RET: variants seen among roughly 807,000 people sequenced by gnomAD.
The protein encoded by RET is proto-oncogene tyrosine-protein kinase receptor Ret.
A neutral mutation model predicts 118.3 loss-of-function variants in RET; 19 were observed. The observed-to-expected ratio is 0.16, with a 90% CI of 0.11 to 0.24. The LOEUF (loss-of-function observed/expected upper bound fraction) is 0.24. Among genes scored for constraint, RET ranks in the 10% least tolerant of loss-of-function variants. The pLI is 1.00. For missense variants in RET, 1,219 were observed against 1,502.1 expected, an observed-to-expected ratio of 0.81 and a Z score of 3.12; for synonymous variants, 597 against 644.1, an observed-to-expected ratio of 0.93 and a Z score of 1.11.
At position 43,129,823 on chromosome 10, in the gene RET, G is replaced by T; in HGVS notation, c.*1554G>T. On this transcript the variant is annotated 3_prime_UTR_variant, in exon 20 of 20. Coordinates refer to ENST00000355710, the MANE Select transcript of RET (RefSeq NM_020975.6). ...AGGGAGAGTTTGAAAAATGCTTATTGGACACGTAACCTGGCTCTAATTTGG... is the reference window on the plus strand; with the variant it reads ...AGGGAGAGTTTGAAAAATGCTTATTTGACACGTAACCTGGCTCTAATTTGG... 6.0e-5 allele frequency: 21 copies of T among 352,188 alleles called. No individual in the cohort carries two copies. The highest frequency in any genetic ancestry group is 4.1e-4 in the East Asian group (8 of 19,702). The allele number at this position is 352,188 out of a possible 1,614,324, so 21.8% of individuals were successfully genotyped here.
At chr10:43,108,608 C>A (rs988554097) in intron 5 of RET, among the ~76,000 whole-genome samples, 2 of 152,058 alleles carry the variant, frequency 1.3e-5, no homozygotes, top group African/African-American at 4.8e-5. Context: ...TCAGTTGGTC[C>A]GGGGACTCAA....
intron 1 of RET, 74 bp downstream of exon 1, chr10:43,077,405 C>T: frequency 6.9e-7 from 1 of 1,452,156 alleles, no homozygotes; most frequent in Non-Finnish European, 9.1e-7. Flanking sequence ...CGGGCGCGTT[C>T]AGAAGCGCCT....
chr10:43,115,165 A>G (rs3026761), intron 11 of RET, among the ~76,000 whole-genome samples: 2 of 152,028 alleles, frequency 1.3e-5, no homozygotes, highest in Admixed American at 6.5e-5. Context: ...CAGTGTTCCT[A>G]CTAGCACTGT....
At chr10:43,112,554 G>C (rs1837964031) in intron 8 of RET, among the ~76,000 whole-genome samples, 1 of 152,224 alleles carries the variant, frequency 6.6e-6, no homozygotes, top group African/African-American at 2.4e-5. Context: ...CTCATTGTCT[G>C]CATCAGCCAG....
rs897445593 is a variant in RET, at chr10:43,077,349, C to T, written c.73+18C>T. 5.3e-6 allele frequency: 8 copies of T among 1,504,966 alleles called. No homozygotes were observed. Among genetic ancestry groups the T allele is most frequent in the Non-Finnish European group, 7.1e-6 (8 of 1,132,274 alleles). 93.2% of individuals were successfully genotyped at this position (1,504,966 alleles called of 1,614,324 possible). A position where few individuals can be genotyped will look rare whatever the true frequency, so the allele number is the denominator to read the frequency against. ...AGGCAAAGGTGAGTTCTGCCGGCCG[C>T]CGGCTCCCGCAGGGGCCAGGGCGAA... On this transcript the variant is annotated intron_variant, in intron 1 of 19. Coordinates refer to ENST00000355710, the MANE Select transcript of RET (RefSeq NM_020975.6).
At chr10:43,111,506 G>A (rs1837928495) in intron 7 of RET, 41 bp downstream of exon 7, 3 of 1,591,586 alleles carry the variant, frequency 1.9e-6, no homozygotes, top group African/African-American at 1.3e-5. Flanking sequence ...GGGTCCTGGG[G>A]GCTTCTGGAG....
At chr10:43,127,178 G>A in intron 19 of RET, 1 of 1,093,478 alleles carries the variant, frequency 9.1e-7, no homozygotes, top group African/African-American at 1.6e-5. Context: ...ACCCCTCCTG[G>A]GCAGGCAGGT....
At chr10:43,103,770 G>A (rs1184657174) in intron 3 of RET, among the ~76,000 whole-genome samples, 10 of 152,152 alleles carry the variant, frequency 6.6e-5, no homozygotes, top group Non-Finnish European at 1.5e-4. Flanking sequence ...TAGTTTAGTG[G>A]GGGGTTTTTT....
At chr10:43,088,961 GTCCTGCCGGGCACTGGC>G (rs1564485464) in intron 1 of RET, among the ~76,000 whole-genome samples, 1 of 152,062 alleles carries the variant, frequency 6.6e-6, no homozygotes, top group African/African-American at 2.4e-5. Context: ...CAGCCCTCCC[GTCCTGCCGGGCACTGGC>G]TCCTGCTTGT....
At chr10:43,122,691 T>C (rs1838244733) in intron 16 of RET, among the ~76,000 whole-genome samples, 1 of 152,128 alleles carries the variant, frequency 6.6e-6, no homozygotes, top group African/African-American at 2.4e-5. Context: ...CACTGCAACC[T>C]CCACCTCCTG....
Position 43,102,522 on chromosome 10 carries a change from C to T in RET, c.518C>T (p.Ser173Phe), listed in dbSNP as rs368431125. The change falls in exon 3 of 20, where the codon TCC (serine) becomes TTC (phenylalanine). Residue 173 changes from serine (S) to phenylalanine (F), a missense_variant. Physicochemically the swap from Ser to Phe is radical, Grantham distance 155 (BLOSUM62 -2). This residue lies in a region of RET where 850 missense variants were observed against 969.6 expected (regional missense o/e 0.88). Coordinates refer to ENST00000355710, the MANE Select transcript of RET (RefSeq NM_020975.6). The part of the protein sequence containing the change: ...RELCFPETRP[S>F]FRIRENRPPG... Reference sequence around the variant, plus strand: ...CTCTGCTTCCCAGAGACAAGGCCCTCCTTCCGCATTCGGGAGAACCGACCC... The same window carrying T: ...CTCTGCTTCCCAGAGACAAGGCCCTTCTTCCGCATTCGGGAGAACCGACCC... 1.2e-6 allele frequency: 2 copies of T among 1,614,110 alleles called. No homozygotes were observed. Among genetic ancestry groups the T allele is most frequent in the African/African-American group, 1.3e-5 (1 of 74,938 alleles).
chr10:43,108,226 A>G (rs569332120), intron 5 of RET, among the ~76,000 whole-genome samples: 2 of 151,698 alleles, frequency 1.3e-5, no homozygotes, highest in African/African-American at 2.4e-5. Context: ...GTGGTGGCAC[A>G]TGCCTGGATT....
At chr10:43,088,147 G>A (rs114862567) in intron 1 of RET, among the ~76,000 whole-genome samples, 364 of 151,600 alleles carry the variant, frequency 2.4e-3, no homozygotes, top group African/African-American at 8.3e-3. Flanking sequence ...GGAGGCAGTT[G>A]TGGTGGTGAT....
intron 1 of RET, among the ~76,000 whole-genome samples, chr10:43,099,513 A>AAAACAAATAAATAAAT (rs764501930): frequency 6.8e-6 from 1 of 146,290 alleles, no homozygotes; most frequent in African/African-American, 2.5e-5. Context: ...CTCCATCTCA[A>AAAACAAATAAATAAAT]AAATAAATAA....
rs780467203 is a variant in RET, at chr10:43,111,420, T to C, written c.1477T>C (p.Ser493Pro). 1.9e-6 allele frequency: 3 copies of C among 1,613,674 alleles called. No homozygotes were observed. Among genetic ancestry groups the C allele is most frequent in the South Asian group, 1.1e-5 (1 of 91,080 alleles). ...YMVVATDQQT[S>P]RQAQAQLLVT... ...GGTGGTGGCCACCGACCAGCAGACC[T>C]CTAGGCAGGCCCAGGCCCAGCTGCT... is the stretch of plus-strand genomic sequence containing the variant. Residue 493 changes from serine to proline, a missense_variant, in exon 7 of 20, where the codon TCT becomes CCT. Physicochemically the swap from Ser to Pro is moderately conservative, Grantham distance 74 (BLOSUM62 -1). Around this residue, in one of 5 missense-constraint regions of RET, gnomAD observed 850 missense variants for 969.6 expected, o/e 0.88. Coordinates refer to ENST00000355710, the MANE Select transcript of RET (RefSeq NM_020975.6).
At chr10:43,091,622 C>A (rs1837411802) in intron 1 of RET, among the ~76,000 whole-genome samples, 1 of 145,094 alleles carries the variant, frequency 6.9e-6, no homozygotes, top group African/African-American at 2.5e-5. Flanking sequence ...CAGAGTGAGA[C>A]TCCATACAAA....
rs1270003828 is a variant in RET, at chr10:43,118,407, G to C, written c.2319G>C (p.Leu773=). Residue 773 remains leucine, a synonymous_variant, in exon 13 of 20, where the codon CTG becomes CTC. Coordinates refer to ENST00000355710, the MANE Select transcript of RET (RefSeq NM_020975.6). The part of the protein sequence containing the change: ...NASPSELRDL[L]SEFNVLKQVN... ...CCCCGAGTGAGCTGCGAGACCTGCT[G>C]TCAGAGTTCAACGTCCTGAAGCAGG... 6.2e-7 allele frequency: 1 copy of C among 1,614,164 alleles called. No individual in the cohort carries two copies. Among genetic ancestry groups the C allele is most frequent in the Non-Finnish European group, 8.5e-7 (1 of 1,180,022 alleles).
chr10:43,119,384 C>G, intron 13 of RET, 147 bp from the exon 14 acceptor site: 1 of 650,118 alleles, frequency 1.5e-6, no homozygotes, highest in Non-Finnish European at 2.7e-6. Context: ...CACAGAGCTG[C>G]AGCAGTGCTG....
chr10:43,114,252 A>G lies in RET; in HGVS notation c.1880-228A>G, dbSNP rs2132839281. ...CTTGGCAGGCTGCTCAGCCTCTCTGAGCCTCTGTCTCCATCTGTAAGAGGG... is the reference window on the plus strand; with the variant it reads ...CTTGGCAGGCTGCTCAGCCTCTCTGGGCCTCTGTCTCCATCTGTAAGAGGG... On this transcript the variant is annotated intron_variant, in intron 10 of 19. Coordinates refer to ENST00000355710, the MANE Select transcript of RET (RefSeq NM_020975.6). This position sits in a 1 kb window ranked among gnomAD's most constrained non-coding sequence, Gnocchi z 4.6. Among the ~76,000 whole-genome samples, 1 of 152,212 alleles carries G rather than the reference A, an allele frequency of 6.6e-6. No homozygotes were observed. The highest frequency in any genetic ancestry group is 1.5e-5 in the Non-Finnish European group (1 of 67,994).
Sources: gnomAD v4.1 joint callset for allele counts (sites outside exome capture counted in the v4.1 genomes callset) on GRCh38, gnomAD v4.1.1 for gene constraint, gnomAD v4.1.1 regional missense constraint, Gnocchi (gnomAD v3.1) non-coding constraint, MANE v1.5 for transcripts, NCBI Gene and HGNC (gene_info 2026-07-23, HGNC 2026-07-21) for gene names.